TBCD: variants seen among roughly 807,000 people sequenced by gnomAD.
TBCD encodes the protein tubulin folding cofactor D.
A neutral mutation model predicts 169.3 loss-of-function variants in TBCD; 105 were observed. The observed-to-expected ratio is 0.62, with a 90% CI of 0.53 to 0.73. The LOEUF is 0.73. Among genes scored for constraint, TBCD ranks in the 30% least tolerant of loss-of-function variants. TBCD has a pLI of 0.00. For synonymous variants in TBCD, 700 were observed against 643.9 expected (o/e 1.09, Z -1.32); for missense variants, 1,444 against 1,600.1 (o/e 0.90, Z 1.66).
In TBCD at chr17:82,832,929, A is replaced by G. The variant is rs2053647116; in HGVS notation, c.1318+17995A>G. On this transcript the variant is annotated intron_variant, in intron 13 of 38. Coordinates refer to ENST00000355528, the MANE Select transcript of TBCD (RefSeq NM_005993.5). The surrounding 1 kb of genome is among the most constrained non-coding windows in gnomAD (Gnocchi z 4.9). ...GGTGCGTTGAGTGTCTGTTCTGAGAATGCCTGTAAGCCTTTGAGTTTTGGG... is the reference window on the plus strand; with the variant it reads ...GGTGCGTTGAGTGTCTGTTCTGAGAGTGCCTGTAAGCCTTTGAGTTTTGGG... 6.6e-6 allele frequency among the ~76,000 whole-genome samples: 1 copy of G among 152,136 alleles called. No homozygotes were observed. Among genetic ancestry groups the G allele is most frequent in the South Asian group, 2.1e-4 (1 of 4,828 alleles).
At chr17:82,764,731 CG>C (rs1425501954) in intron 3 of TBCD, among the ~76,000 whole-genome samples, 1 of 152,198 alleles carries the variant, frequency 6.6e-6, no homozygotes, top group African/African-American at 2.4e-5. Context: ...TAGGTCTAGG[CG>C]GGGGTCTCAT....
At position 82,889,519 on chromosome 17, in the gene TBCD, C is replaced by T. The variant is rs534514775; in HGVS notation, c.1534-149C>T. Reference sequence around the variant, plus strand: ...AGGACGTAAAAACAGAGTGACGCACCTTGAGGCTCTGTTCAGCCAACAATG... The same window carrying T: ...AGGACGTAAAAACAGAGTGACGCACTTTGAGGCTCTGTTCAGCCAACAATG... On this transcript the variant is annotated intron_variant, in intron 15 of 38. Transcript: ENST00000355528. This position sits in a 1 kb window ranked among gnomAD's most constrained non-coding sequence, Gnocchi z 5.3. The T allele has an allele frequency of 1.2e-4, 107 of 874,958 alleles. No homozygotes were observed. The South Asian group carries it at 1.6e-3, about 13-fold the overall frequency. The allele number at this position is 874,958 out of a possible 1,614,324, so 54.2% of individuals were successfully genotyped here. A position where few individuals can be genotyped will look rare whatever the true frequency, so the allele number is the denominator to read the frequency against.
Position 82,923,634 on chromosome 17 carries a change from G to A in TBCD, c.2179-18G>A, listed in dbSNP as rs1346798830. ...CGAGCAGAGCTGCTGTGCGCTCACC[G>A]TGCTGCCTTTGTTTTAGGATGCAGC... On this transcript the variant is annotated intron_variant, in intron 25 of 38. Coordinates refer to ENST00000355528, the MANE Select transcript of TBCD (RefSeq NM_005993.5). This position sits in a 1 kb window ranked among gnomAD's most constrained non-coding sequence, Gnocchi z 4.6. 8.3e-6 allele frequency: 13 copies of A among 1,556,904 alleles called. No individual in the cohort carries two copies. Among genetic ancestry groups the A allele is most frequent in the Non-Finnish European group, 1.0e-5 (12 of 1,148,954 alleles).
chr17:82,774,922 A>C (rs1370246822), intron 6 of TBCD, among the ~76,000 whole-genome samples: 1 of 152,244 alleles, frequency 6.6e-6, no homozygotes, highest in African/African-American at 2.4e-5. Context: ...TCAAACCTTA[A>C]GAATGTTTGC....
intron 2 of TBCD, among the ~76,000 whole-genome samples, chr17:82,761,586 G>A (rs1326170303): frequency 6.6e-6 from 1 of 152,132 alleles, no homozygotes; most frequent in Non-Finnish European, 1.5e-5. Flanking sequence ...AGTTTTGCCT[G>A]TTCTAGAATC....
At chr17:82,865,186 T>G (rs2057077763) in intron 13 of TBCD, among the ~76,000 whole-genome samples, 1 of 152,110 alleles carries the variant, frequency 6.6e-6, no homozygotes, top group African/African-American at 2.4e-5. Context: ...CTGAGCAAGT[T>G]GAGCTGCATT....
rs980088893 is a variant in TBCD at position 82,890,817 on chromosome 17, G to A, written c.1563+1120G>A. On this transcript the variant is annotated intron_variant, in intron 16 of 38. Coordinates refer to ENST00000355528, the MANE Select transcript of TBCD (RefSeq NM_005993.5). The surrounding 1 kb of genome is among the most constrained non-coding windows in gnomAD (Gnocchi z 5.3). ...ACACCAGCCTTGCAAGGGGAGCCTG[G>A]GTGTGCAGACAGCAAGAGCCGCCCA... Among the ~76,000 whole-genome samples the A allele has an allele frequency of 6.6e-6, 1 of 152,208 alleles. No homozygotes were observed. The highest frequency in any genetic ancestry group is 2.4e-5 in the African/African-American group (1 of 41,452).
intron 20 of TBCD, among the ~76,000 whole-genome samples, chr17:82,907,097 G>C (rs115711636): frequency 2.6e-5 from 4 of 152,242 alleles, no homozygotes; most frequent in Non-Finnish European, 5.9e-5. Context: ...CGCCTGGCAC[G>C]AAACAAAATT....
chr17:82,814,104 G>A (rs2051671414), intron 12 of TBCD, among the ~76,000 whole-genome samples: 1 of 152,168 alleles, frequency 6.6e-6, no homozygotes, highest in African/African-American at 2.4e-5. Context: ...GATGGCCATT[G>A]CAATTGTTCA....
intron 17 of TBCD, among the ~76,000 whole-genome samples, chr17:82,896,453 GTTTT>G (rs1014108505): frequency 1.1e-5 from 1 of 91,430 alleles, no homozygotes; most frequent in Non-Finnish European, 2.0e-5. Context: ...TGTGCTGTCA[GTTTT>G]TTTTTTTTTT....
intron 15 of TBCD, among the ~76,000 whole-genome samples, chr17:82,887,720 G>T (rs936160143): frequency 1.3e-5 from 2 of 152,174 alleles, no homozygotes; most frequent in Non-Finnish European, 2.9e-5. Flanking sequence ...CCACCTGCCC[G>T]CAGCCCTGCC....
At chr17:82,895,301 T>C (rs6502011) in intron 17 of TBCD, among the ~76,000 whole-genome samples, 77,248 of 152,048 alleles carry the variant, frequency 0.51, 20,404 homozygotes, top group African/African-American at 0.66. Context: ...TGCACCCTAG[T>C]ACCGCGGGGC....
In TBCD at chr17:82,922,787, G is replaced by C. The variant is rs2061495545; in HGVS notation, c.2179-865G>C. On this transcript the variant is annotated intron_variant, in intron 25 of 38. Coordinates refer to ENST00000355528, the MANE Select transcript of TBCD (RefSeq NM_005993.5). The surrounding 1 kb of genome is among the most constrained non-coding windows in gnomAD (Gnocchi z 4.1). Reference sequence around the variant, plus strand: ...CCCAGTGCCTCTCCAAGGCTGCTCTGTTGGCCTCGGCTCCTGGGCTTCGGG... The same window carrying C: ...CCCAGTGCCTCTCCAAGGCTGCTCTCTTGGCCTCGGCTCCTGGGCTTCGGG... Among the ~76,000 whole-genome samples the C allele has an allele frequency of 6.6e-6, 1 of 152,248 alleles. No individual in the cohort carries two copies. The highest frequency in any genetic ancestry group is 6.5e-5 in the Admixed American group (1 of 15,292).
At position 82,912,858 on chromosome 17, in the gene TBCD, G is replaced by C. The variant is rs116881915; in HGVS notation, c.2038+1069G>C. Among the ~76,000 whole-genome samples, 42 of 152,388 alleles carry C rather than the reference G, an allele frequency of 2.8e-4. 2 individuals are homozygous for C. The East Asian group carries it at 7.5e-3, about 27-fold the overall frequency. On this transcript the variant is annotated intron_variant, in intron 23 of 38. Coordinates refer to ENST00000355528, the MANE Select transcript of TBCD (RefSeq NM_005993.5). ...CCAGCTTGCATTTCTGCTGGTGTTA[G>C]CTCAGTGTTCTCATGAGTCTGATGG...
Position 82,833,921 on chromosome 17 carries a change from G to A in TBCD, c.1318+18987G>A, listed in dbSNP as rs892163664. Among the ~76,000 whole-genome samples the A allele has an allele frequency of 3.0e-4, 45 of 151,844 alleles. No homozygotes were observed. The highest frequency in any genetic ancestry group is 9.7e-4 in the African/African-American group (40 of 41,438). On this transcript the variant is annotated intron_variant, in intron 13 of 38. Transcript: ENST00000355528. This position sits in a 1 kb window ranked among gnomAD's most constrained non-coding sequence, Gnocchi z 4.7. ...TCAGGTTTCCTTCAGAGGCTGTGCC[G>A]CACGCCCAAGGCTGAGAACAAAGGC...
intron 34 of TBCD, among the ~76,000 whole-genome samples, chr17:82,935,146 C>CTG (rs2062519534): frequency 6.6e-6 from 1 of 152,090 alleles, no homozygotes; most frequent in Non-Finnish European, 1.5e-5. Context: ...CTTTGTATTT[C>CTG]TCTCTACAGT....
At chr17:82,865,485 G>A in intron 13 of TBCD, 2 of 985,480 alleles carry the variant, frequency 2.0e-6, no homozygotes, top group Non-Finnish European at 2.4e-6. Context: ...TGTGGGAGGT[G>A]CCCACGTTTC....
chr17:82,929,120 C>A lies in TBCD; in HGVS notation c.2701C>A (p.Arg901Ser), dbSNP rs778041055. The A allele has an allele frequency of 2.5e-6, 4 of 1,610,242 alleles. No homozygotes were observed. The South Asian group carries it at 4.4e-5, about 18-fold the overall frequency. The change falls in exon 31 of 39, where the codon CGC becomes AGC. Residue 901 changes from arginine to serine, a missense_variant. Physicochemically the swap from Arg to Ser is moderately radical, Grantham distance 110 (BLOSUM62 -1). Transcript: ENST00000355528. ...CCTGCTCTCGGTTTGCAGCTGTGAG[C>A]GCATCATGTGCTGTGTGGCCCAGCA... is the stretch of plus-strand genomic sequence containing the variant. The part of the protein sequence containing the change: ...PELIEAHTCE[R>S]IMCCVAQQAS...
chr17:82,926,771 GC>G (rs765545582), intron 28 of TBCD: 394 of 548,742 alleles, frequency 7.2e-4, no homozygotes, highest in Non-Finnish European at 1.1e-3. Context: ...GACCCTGCCA[GC>G]CAGTGTTTGG....
Sources: gnomAD v4.1 joint callset for allele counts (sites outside exome capture counted in the v4.1 genomes callset) on GRCh38, gnomAD v4.1.1 for gene constraint, Gnocchi (gnomAD v3.1) non-coding constraint, MANE v1.5 for transcripts, NCBI Gene and HGNC (gene_info 2026-07-23, HGNC 2026-07-21) for gene names.